Variants in ANK3 observed in about 807,000 individuals in gnomAD.
ANK3 encodes the protein ankyrin-3.
In ANK3, 57 loss-of-function variants were observed where a neutral mutation model predicts 370.9. That is an observed-to-expected ratio of 0.15 (90% confidence interval 0.12 to 0.19). The LOEUF is 0.19. Ranked by LOEUF, ANK3 falls within the 10% of genes least tolerant of loss-of-function variation. ANK3 has a pLI of 1.00. For synonymous variants in ANK3, 1,929 were observed against 1,946.3 expected, an observed-to-expected ratio of 0.99 and a Z score of 0.23; for missense variants, 4,439 against 5,302.1, an observed-to-expected ratio of 0.84 and a Z score of 5.06.
intron 2 of ANK3, among the ~76,000 whole-genome samples, chr10:60,517,488 C>A (rs1369770114): frequency 1.3e-5 from 2 of 152,080 alleles, no homozygotes; most frequent in South Asian, 2.1e-4. Context: ...AGAACATGCA[C>A]CCTTTGTACA....
At chr10:60,194,150 A>T (rs527523693) in intron 16 of ANK3, among the ~76,000 whole-genome samples, 3 of 152,372 alleles carry the variant, frequency 2.0e-5, no homozygotes, top group East Asian at 3.9e-4. Flanking sequence ...AAAGAGAAAA[A>T]GAAAAGTAGC....
chr10:60,477,368 T>C (rs568768703), intron 2 of ANK3, among the ~76,000 whole-genome samples: 1 of 152,164 alleles, frequency 6.6e-6, no homozygotes, highest in East Asian at 1.9e-4. Flanking sequence ...AGCAGCAAAA[T>C]GCAACACTGA....
At chr10:60,680,790 G>C (rs546836724) in intron 1 of ANK3, among the ~76,000 whole-genome samples, 17 of 152,122 alleles carry the variant, frequency 1.1e-4, no homozygotes, top group Non-Finnish European at 7.3e-5. Context: ...CAGTCTGCCT[G>C]GTTTGAATTC....
At chr10:60,497,744 C>T (rs1000360955) in intron 2 of ANK3, among the ~76,000 whole-genome samples, 18 of 152,230 alleles carry the variant, frequency 1.2e-4, no homozygotes, top group Admixed American at 7.8e-4. Flanking sequence ...AGATCCCCTT[C>T]GCAGTTTTAA....
chr10:60,318,482 G>A (rs2047935917), intron 1 of ANK3, among the ~76,000 whole-genome samples: 2 of 152,110 alleles, frequency 1.3e-5, no homozygotes, highest in Non-Finnish European at 2.9e-5. Context: ...AACCAACAGA[G>A]CTCTGACTTA....
At chr10:60,117,679 G>T (rs763657184) in intron 25 of ANK3, among the ~76,000 whole-genome samples, 2 of 152,058 alleles carry the variant, frequency 1.3e-5, no homozygotes, top group South Asian at 2.1e-4. Context: ...TTAGCTGGGC[G>T]TGGTGGCACG....
At chr10:60,722,758 G>A (rs142180170) in intron 1 of ANK3, among the ~76,000 whole-genome samples, 6 of 152,120 alleles carry the variant, frequency 3.9e-5, no homozygotes, top group African/African-American at 1.2e-4. Context: ...CTCACTCAGT[G>A]AGTTCATGGG....
chr10:60,656,477 CT>C (rs1329602263), intron 1 of ANK3, among the ~76,000 whole-genome samples: 4 of 151,654 alleles, frequency 2.6e-5, no homozygotes, highest in Non-Finnish European at 4.4e-5. Flanking sequence ...ACTGATTTCC[CT>C]CTATGGTTTG....
chr10:60,086,944 T>TG, intron 29 of ANK3, 60 bp from the exon 30 acceptor site: 1 of 1,107,610 alleles, frequency 9.0e-7, no homozygotes, highest in Non-Finnish European at 1.2e-6. Flanking sequence ...TTCCCAATCA[T>TG]GAAGTTTACT....
intron 1 of ANK3, among the ~76,000 whole-genome samples, chr10:60,372,328 A>G (rs1231646431): frequency 6.6e-6 from 1 of 152,190 alleles, no homozygotes; most frequent in Non-Finnish European, 1.5e-5. Flanking sequence ...GATCTAGACA[A>G]TCCACACATG....
intron 1 of ANK3, among the ~76,000 whole-genome samples, chr10:60,667,197 A>G (rs1391779336): frequency 8.0e-6 from 1 of 125,452 alleles, no homozygotes; most frequent in South Asian, 2.5e-4. Flanking sequence ...ATTATATTAT[A>G]TTATATTATA....
intron 10 of ANK3, among the ~76,000 whole-genome samples, chr10:60,207,195 C>T (rs58613500): frequency 0.016 from 2,434 of 152,156 alleles, 71 homozygotes; most frequent in African/African-American, 0.055. Flanking sequence ...GTTTCTCTTT[C>T]GTCATTCTTT....
At chr10:60,117,729 G>A (rs1234685824) in intron 25 of ANK3, among the ~76,000 whole-genome samples, 2 of 152,064 alleles carry the variant, frequency 1.3e-5, no homozygotes, top group Non-Finnish European at 2.9e-5. Flanking sequence ...CAGGAGAATC[G>A]CCTGAACCCG....
At chr10:60,581,803 G>A (rs2077758104) in intron 2 of ANK3, among the ~76,000 whole-genome samples, 2 of 151,978 alleles carry the variant, frequency 1.3e-5, no homozygotes. Flanking sequence ...TATATTTTAG[G>A]AATTGGAAGC....
At chr10:60,651,924 C>G (rs903104840) in intron 1 of ANK3, among the ~76,000 whole-genome samples, 8 of 152,020 alleles carry the variant, frequency 5.3e-5, no homozygotes, top group Non-Finnish European at 1.2e-4. Context: ...GACTGCTAGT[C>G]TAAAAACTAG....
intron 2 of ANK3, among the ~76,000 whole-genome samples, chr10:60,511,198 G>A (rs1405070599): frequency 6.6e-6 from 1 of 152,074 alleles, no homozygotes; most frequent in Non-Finnish European, 1.5e-5. Context: ...GGTCACAATT[G>A]TTTAATCCTT....
chr10:60,705,806 A>AG (rs1032491553), intron 1 of ANK3, among the ~76,000 whole-genome samples: 3 of 123,538 alleles, frequency 2.4e-5, no homozygotes, highest in African/African-American at 9.9e-5. Flanking sequence ...TTTCTACTAG[A>AG]GGTTTTTTTT....
At chr10:60,320,704 C>T (rs1057058446) in intron 1 of ANK3, among the ~76,000 whole-genome samples, 5 of 152,094 alleles carry the variant, frequency 3.3e-5, no homozygotes, top group African/African-American at 1.2e-4. Flanking sequence ...GAGCATGGCA[C>T]CACCTATAGA....
At chr10:60,169,545 T>C (rs1016201289) in intron 21 of ANK3, among the ~76,000 whole-genome samples, 7 of 152,100 alleles carry the variant, frequency 4.6e-5, no homozygotes, top group African/African-American at 1.4e-4. Context: ...GGTTTCTCCA[T>C]TGTAAAGTTA....
Sources: gnomAD v4.1 joint callset for allele counts (sites outside exome capture counted in the v4.1 genomes callset) on GRCh38, gnomAD v4.1.1 for gene constraint, MANE v1.5 for transcripts, NCBI Gene and HGNC (gene_info 2026-07-23, HGNC 2026-07-21) for gene names.